Variants in CYSLTR1 observed in about 807,000 individuals in gnomAD.
The protein encoded by CYSLTR1 is G-protein coupled receptor HG55.
CYSLTR1 carries 1 observed loss-of-function variant against 2.1 expected under a neutral mutation model. The ratio of observed to expected loss-of-function variants is 0.48; its 90% CI spans 0.17 to 2.28. The LOEUF (loss-of-function observed/expected upper bound fraction) is 2.28, where lower values mean the gene tolerates loss of function less well. Ranked by LOEUF, CYSLTR1 falls within the 30% of genes most tolerant of loss-of-function variation. The pLI is 0.26. For missense variants in CYSLTR1, 299 were observed against 250.1 expected, an observed-to-expected ratio of 1.20 and a Z score of -1.32; for synonymous variants, 110 against 89.6, an observed-to-expected ratio of 1.23 and a Z score of -1.28.
intron 1 of CYSLTR1, among the ~76,000 whole-genome samples, chrX:78,284,988 A>T (rs1921999143): frequency 9.0e-6 from 1 of 111,070 alleles, no homozygotes; most frequent in Non-Finnish European, 1.9e-5. Flanking sequence ...CAGTCTGGGT[A>T]AAGTTGCTGG....
At chrX:78,326,807 C>T (rs1253243012) in intron 1 of CYSLTR1, among the ~76,000 whole-genome samples, 3 of 111,976 alleles carry the variant, frequency 2.7e-5, no homozygotes, top group Non-Finnish European at 5.6e-5. Flanking sequence ...TAAACATGGA[C>T]AGTAACACCT....
intron 1 of CYSLTR1, among the ~76,000 whole-genome samples, chrX:78,293,409 C>T (rs1379643635): frequency 2.7e-5 from 3 of 111,734 alleles, no homozygotes; most frequent in Non-Finnish European, 3.8e-5. Flanking sequence ...CTGCCCTTTA[C>T]ATTTTTTCCT....
intron 1 of CYSLTR1, among the ~76,000 whole-genome samples, chrX:78,307,384 G>C (rs1358475241): frequency 9.0e-6 from 1 of 111,647 alleles, no homozygotes; most frequent in Non-Finnish European, 1.9e-5. Flanking sequence ...TCAGGCCCTT[G>C]ACACATGGTC....
intron 1 of CYSLTR1, among the ~76,000 whole-genome samples, chrX:78,301,054 G>A (rs74845217): frequency 7.5e-4 from 84 of 112,639 alleles, no homozygotes; most frequent in Non-Finnish European, 1.4e-3. Flanking sequence ...TTTTAGCCAT[G>A]GCTAGAGTGG....
At chrX:78,295,052 ATCT>A (rs759778247) in intron 1 of CYSLTR1, among the ~76,000 whole-genome samples, 1 of 111,980 alleles carries the variant, frequency 8.9e-6, no homozygotes, top group Admixed American at 9.4e-5. Context: ...GAAATCACCC[ATCT>A]TCTTCATTGA....
intron 1 of CYSLTR1, among the ~76,000 whole-genome samples, chrX:78,305,259 CAATA>C (rs1231206954): frequency 8.9e-6 from 1 of 112,191 alleles, no homozygotes; most frequent in East Asian, 2.8e-4. Context: ...CAACAAAGTG[CAATA>C]AATAAAGCCT....
chrX:78,310,884 G>C (rs1273274663), intron 1 of CYSLTR1, among the ~76,000 whole-genome samples: 1 of 110,590 alleles, frequency 9.0e-6, no homozygotes, highest in African/African-American at 3.3e-5. Context: ...GTTTGGGCGT[G>C]TGTGGGTGTG....
intron 1 of CYSLTR1, among the ~76,000 whole-genome samples, chrX:78,313,932 T>C (rs1304002077): frequency 8.9e-6 from 1 of 111,754 alleles, no homozygotes; most frequent in Non-Finnish European, 1.9e-5. Context: ...GATGAATGTC[T>C]TTTTGCATTA....
At chrX:78,291,541 C>G (rs759900804) in intron 1 of CYSLTR1, among the ~76,000 whole-genome samples, 23 of 111,227 alleles carry the variant, frequency 2.1e-4, no homozygotes, top group African/African-American at 7.2e-4. Context: ...GGAATGGTAC[C>G]AGCTCCTGTT....
At chrX:78,301,172 G>A (rs1922807365) in intron 1 of CYSLTR1, among the ~76,000 whole-genome samples, 1 of 112,217 alleles carries the variant, frequency 8.9e-6, no homozygotes, top group Non-Finnish European at 1.9e-5. Context: ...GATGGGAGGG[G>A]CTGCTGCAAA....
chrX:78,322,283 T>C (rs1267376445), intron 1 of CYSLTR1, among the ~76,000 whole-genome samples: 1 of 112,185 alleles, frequency 8.9e-6, no homozygotes, highest in Non-Finnish European at 1.9e-5. Flanking sequence ...TTTGATACAG[T>C]AGACACTCAT....
chrX:78,324,727 A>G (rs1345717881), intron 1 of CYSLTR1, among the ~76,000 whole-genome samples: 2 of 112,034 alleles, frequency 1.8e-5, no homozygotes, highest in Admixed American at 1.9e-4. Flanking sequence ...TATCTTTTGT[A>G]GGGTTGACTA....
At chrX:78,322,536 G>A (rs1322932574) in intron 1 of CYSLTR1, among the ~76,000 whole-genome samples, 3 of 111,607 alleles carry the variant, frequency 2.7e-5, no homozygotes, top group African/African-American at 9.8e-5. Flanking sequence ...CATCCTCTAT[G>A]GAGATTTAAT....
chrX:78,300,785 T>C (rs1388768545), intron 1 of CYSLTR1, among the ~76,000 whole-genome samples: 1 of 112,792 alleles, frequency 8.9e-6, no homozygotes, highest in Non-Finnish European at 1.9e-5. Context: ...ATAAGTCTTA[T>C]GAAATATGAT....
intron 1 of CYSLTR1, among the ~76,000 whole-genome samples, chrX:78,317,571 A>C (rs764886117): frequency 4.4e-5 from 5 of 112,447 alleles, no homozygotes; most frequent in Non-Finnish European, 7.5e-5. Context: ...AAAAATATGG[A>C]ACCAGCCTAA....
chrX:78,273,681 G>A lies in CYSLTR1; in HGVS notation c.66C>T (p.Arg22=). Residue 22 remains arginine, a synonymous_variant, in exon 3 of 3, where the codon CGC becomes CGT. Coordinates refer to ENST00000373304, the MANE Select transcript of CYSLTR1 (RefSeq NM_006639.4). ...ATCHDTIDDF[R]NQVYSTLYSM... is the part of the protein sequence containing the mutation. ...AGTACAAGGTGGAATACACTTGATT[G>A]CGGAAGTCATCAATAGTGTCATGGC... is the stretch of plus-strand genomic sequence containing the variant. The A allele has an allele frequency of 8.3e-7, 1 of 1,210,784 alleles. No individual in the cohort carries two copies.
chrX:78,286,054 A>G (rs1248465736), intron 1 of CYSLTR1, among the ~76,000 whole-genome samples: 1 of 112,135 alleles, frequency 8.9e-6, no homozygotes, highest in African/African-American at 3.2e-5. Flanking sequence ...CCCTATTCTT[A>G]TAAGGAAGAG....
chrX:78,285,421 CAAAA>C (rs397897021), intron 1 of CYSLTR1, among the ~76,000 whole-genome samples: 1 of 65,636 alleles, frequency 1.5e-5, no homozygotes. Flanking sequence ...GACTCCGTCT[CAAAA>C]AAAAAAAAAA....
chrX:78,307,443 A>C (rs936390838), intron 1 of CYSLTR1, among the ~76,000 whole-genome samples: 2 of 111,692 alleles, frequency 1.8e-5, no homozygotes, highest in Non-Finnish European at 3.8e-5. Context: ...CCATCAGGAG[A>C]GATATCTCTC....
Sources: gnomAD v4.1 joint callset for allele counts (sites outside exome capture counted in the v4.1 genomes callset) on GRCh38, gnomAD v4.1.1 for gene constraint, MANE v1.5 for transcripts, NCBI Gene and HGNC (gene_info 2026-07-23, HGNC 2026-07-21) for gene names.